The following RHOA variants were observed in gnomAD, a reference collection of about 807,000 sequenced individuals.
RHOA encodes the protein transforming protein RhoA.
A neutral mutation model predicts 17.5 loss-of-function variants in RHOA; 3 were observed. The ratio of observed to expected loss-of-function variants is 0.17; its 90% CI spans 0.08 to 0.44. The LOEUF is 0.44. Among genes scored for constraint, RHOA ranks in the 20% least tolerant of loss-of-function variants. The probability of loss-of-function intolerance (pLI) is 0.99; values close to 1 mark genes in which losing one functional copy is unlikely to be tolerated. For missense variants in RHOA, 56 were observed against 242.3 expected, an observed-to-expected ratio of 0.23 and a Z score of 5.10; for synonymous variants, 98 against 88.4, an observed-to-expected ratio of 1.11 and a Z score of -0.61.
At chr3:49,403,300 T>C in intron 1 of RHOA, among the ~76,000 whole-genome samples, 1 of 152,232 alleles carries the variant, frequency 6.6e-6, no homozygotes, top group East Asian at 1.9e-4. Context: ...ATTGCGGCAC[T>C]GCACTCCTAG....
intron 1 of RHOA, among the ~76,000 whole-genome samples, chr3:49,398,967 G>A (rs996444638): frequency 2.1e-5 from 3 of 143,632 alleles, no homozygotes; most frequent in Non-Finnish European, 4.5e-5. Context: ...TGAGACAGGA[G>A]AATTGCTGCC....
At chr3:49,405,673 C>A (rs1400828425) in intron 1 of RHOA, among the ~76,000 whole-genome samples, 2 of 152,072 alleles carry the variant, frequency 1.3e-5, no homozygotes, top group Non-Finnish European at 2.9e-5. Flanking sequence ...TACTCTACTG[C>A]CTTTTCTTTC....
chr3:49,362,183 T>C (rs1417403033), intron 4 of RHOA, among the ~76,000 whole-genome samples: 1 of 152,042 alleles, frequency 6.6e-6, no homozygotes, highest in Non-Finnish European at 1.5e-5. Flanking sequence ...TGAGACTCCA[T>C]ATCAAAAAAA....
chr3:49,408,262 GTATACAC>G, intron 1 of RHOA, among the ~76,000 whole-genome samples: 1 of 80,682 alleles, frequency 1.2e-5, no homozygotes, highest in Non-Finnish European at 2.6e-5. Context: ...ATATATATAC[GTATACAC>G]GTATATACGT....
intron 1 of RHOA, among the ~76,000 whole-genome samples, chr3:49,407,320 G>T (rs868430424): frequency 8.5e-6 from 1 of 117,882 alleles, no homozygotes; most frequent in East Asian, 3.0e-4. Flanking sequence ...AGCAACCTCC[G>T]CCTCCCAGGT....
chr3:49,376,129 C>G (rs2048222944), intron 1 of RHOA, among the ~76,000 whole-genome samples: 1 of 151,986 alleles, frequency 6.6e-6, no homozygotes, highest in African/African-American at 2.4e-5. Context: ...GCGTGAGCCA[C>G]CACGCCTGGC....
At chr3:49,382,042 G>T (rs1419868817) in intron 1 of RHOA, among the ~76,000 whole-genome samples, 1 of 149,562 alleles carries the variant, frequency 6.7e-6, no homozygotes, top group East Asian at 2.0e-4. Flanking sequence ...AATATTGGCC[G>T]GGCATGGTGG....
Position 49,360,381 on chromosome 3 carries a change from T to C in RHOA, c.410A>G (p.Glu137Gly). 1 of 1,606,796 alleles carries C rather than the reference T, an allele frequency of 6.2e-7. No individual in the cohort carries two copies. ...TRRELAKMKQ[E>G]PVKPEEGRDM... Reference sequence around the variant, plus strand: ...TCTGCCTTCTTCAGGTTTCACCGGCTCCTAGCAAAGAAAAAAAAATAGTCC... The same window carrying C: ...TCTGCCTTCTTCAGGTTTCACCGGCCCCTAGCAAAGAAAAAAAAATAGTCC... The change falls in exon 5 of 5, where the codon GAG (glutamate) becomes GGG (glycine). Residue 137 changes from glutamate (E) to glycine (G), a missense_variant and splice_region_variant. Around this residue, in one of 2 missense-constraint regions of RHOA, gnomAD observed 39 missense variants for 86.0 expected, o/e 0.45. Transcript: ENST00000418115.
At chr3:49,393,046 C>T (rs1298700186) in intron 1 of RHOA, among the ~76,000 whole-genome samples, 1 of 151,932 alleles carries the variant, frequency 6.6e-6, no homozygotes, top group African/African-American at 2.4e-5. Flanking sequence ...GCATGGTGAG[C>T]GTGCCTGTAA....
intron 1 of RHOA, among the ~76,000 whole-genome samples, chr3:49,379,248 A>C (rs1322610434): frequency 1.3e-5 from 2 of 152,160 alleles, no homozygotes; most frequent in Admixed American, 1.3e-4. Context: ...TAGATCTTGG[A>C]AATGTTATAT....
intron 3 of RHOA, 149 bp from the exon 4 acceptor site, chr3:49,362,775 A>T (rs2047992303): frequency 1.5e-6 from 1 of 653,524 alleles, no homozygotes; most frequent in Admixed American, 2.8e-5. Context: ...CAAAACCATA[A>T]AAAGGAAATA....
intron 1 of RHOA, among the ~76,000 whole-genome samples, chr3:49,391,030 A>C (rs977155624): frequency 7.9e-5 from 12 of 151,778 alleles, no homozygotes; most frequent in African/African-American, 2.9e-4. Context: ...CACCCTGGCT[A>C]ACACGGTGAA....
chr3:49,398,034 G>A (rs35484566), intron 1 of RHOA, among the ~76,000 whole-genome samples: 3 of 152,090 alleles, frequency 2.0e-5, no homozygotes, highest in East Asian at 1.9e-4. Context: ...TTTTTCTTTC[G>A]CTACATTCAG....
chr3:49,383,858 C>G (rs889775140), intron 1 of RHOA, among the ~76,000 whole-genome samples: 1 of 151,910 alleles, frequency 6.6e-6, no homozygotes, highest in Non-Finnish European at 1.5e-5. Flanking sequence ...GGCAAAACCC[C>G]GTCTCTACTG....
chr3:49,365,588 CT>C (rs62741361), intron 3 of RHOA, among the ~76,000 whole-genome samples: 44,792 of 124,754 alleles, frequency 0.36, 6,517 homozygotes, highest in East Asian at 0.8. Flanking sequence ...AATTTTCAAA[CT>C]TTTTTTTTTT....
At chr3:49,375,926 C>G (rs544861661) in intron 1 of RHOA, among the ~76,000 whole-genome samples, 77 of 152,202 alleles carry the variant, frequency 5.1e-4, no homozygotes, top group African/African-American at 1.7e-3. Context: ...CAGTTCACTG[C>G]AACCTCCAGC....
At chr3:49,394,085 T>C (rs1356383320) in intron 1 of RHOA, among the ~76,000 whole-genome samples, 1 of 151,990 alleles carries the variant, frequency 6.6e-6, no homozygotes, top group Non-Finnish European at 1.5e-5. Context: ...TTAGCCAGGA[T>C]GGTCTCAATC....
At chr3:49,404,560 C>T (rs1262913557) in intron 1 of RHOA, among the ~76,000 whole-genome samples, 7 of 129,196 alleles carry the variant, frequency 5.4e-5, no homozygotes, top group Admixed American at 2.9e-4. Flanking sequence ...TGCAGTGAGC[C>T]GAGATTGTGC....
At chr3:49,370,113 G>T (rs2048127045) in intron 2 of RHOA, among the ~76,000 whole-genome samples, 1 of 151,914 alleles carries the variant, frequency 6.6e-6, no homozygotes, top group African/African-American at 2.4e-5. Flanking sequence ...TGACTGTGGT[G>T]GTGCACGCCT....
Sources: gnomAD v4.1 joint callset for allele counts (sites outside exome capture counted in the v4.1 genomes callset) on GRCh38, gnomAD v4.1.1 for gene constraint, gnomAD v4.1.1 regional missense constraint, MANE v1.5 for transcripts, NCBI Gene and HGNC (gene_info 2026-07-23, HGNC 2026-07-21) for gene names.